The following FRMD5 variants were observed in gnomAD, a reference collection of about 807,000 sequenced individuals.
The protein encoded by FRMD5 is FERM domain containing 5.
FRMD5 carries 20 observed loss-of-function variants against 69.0 expected under a neutral mutation model. That is an observed-to-expected ratio of 0.29 (90% CI 0.20 to 0.42). FRMD5 has a LOEUF of 0.42. Among genes scored for constraint, FRMD5 ranks in the 10% least tolerant of loss-of-function variants. The pLI, the probability that FRMD5 is intolerant of heterozygous loss-of-function variation, is 1.00. For missense variants in FRMD5, 595 were observed against 708.6 expected (o/e 0.84, Z 1.82); for synonymous variants, 271 against 260.1 (o/e 1.04, Z -0.40).
chr15:44,038,357 T>G (rs1233232626), intron 1 of FRMD5, among the ~76,000 whole-genome samples: 1 of 152,070 alleles, frequency 6.6e-6, no homozygotes, highest in African/African-American at 2.4e-5. Context: ...AGTCATGAAC[T>G]CTTTGCCCAT....
chr15:43,992,034 T>G (rs1490285620), intron 1 of FRMD5, among the ~76,000 whole-genome samples: 1 of 152,222 alleles, frequency 6.6e-6, no homozygotes, highest in African/African-American at 2.4e-5. Context: ...ATAAGGTATC[T>G]TCTATTAAAA....
chr15:43,926,417 G>A (rs373613465), intron 1 of FRMD5, among the ~76,000 whole-genome samples: 4 of 152,308 alleles, frequency 2.6e-5, no homozygotes, highest in South Asian at 2.1e-4. Flanking sequence ...AGAAATTGAG[G>A]TTGTAAGATA....
rs185103374 is a variant in FRMD5 at position 43,960,103 on chromosome 15, T to C, written c.103-35794A>G. ...CAGCTAATTTTGTTTTGTTTTGTTT[T>C]TTTGAGACGGAGTCTCGCTCTGTCG... is the stretch of plus-strand genomic sequence containing the variant. On this transcript the variant is annotated intron_variant, in intron 1 of 13. Transcript: ENST00000417257. Among the ~76,000 whole-genome samples the C allele has an allele frequency of 6.6e-5, 10 of 152,040 alleles. No individual in the cohort carries two copies. The East Asian group carries it at 1.9e-3, about 30-fold the overall frequency.
intron 1 of FRMD5, among the ~76,000 whole-genome samples, chr15:44,033,367 T>C (rs1004186968): frequency 5.9e-5 from 9 of 152,036 alleles, no homozygotes; most frequent in Non-Finnish European, 1.3e-4. Flanking sequence ...GTAAAAAACC[T>C]TCACATGTGC....
intron 1 of FRMD5, among the ~76,000 whole-genome samples, chr15:44,182,979 T>C (rs2078033912): frequency 6.6e-6 from 1 of 151,380 alleles, no homozygotes; most frequent in Non-Finnish European, 1.5e-5. Flanking sequence ...TTTTTTTTTT[T>C]AGTAGAGACG....
intron 1 of FRMD5, among the ~76,000 whole-genome samples, chr15:43,947,424 A>T (rs1194503033): frequency 2.6e-5 from 4 of 152,238 alleles, no homozygotes; most frequent in Non-Finnish European, 5.9e-5. Flanking sequence ...TTGACAGTTA[A>T]AACTATCTTC....
intron 1 of FRMD5, among the ~76,000 whole-genome samples, chr15:44,172,205 C>G (rs950526251): frequency 2.6e-5 from 4 of 152,022 alleles, no homozygotes; most frequent in African/African-American, 9.7e-5. Context: ...ATCTTCCCAC[C>G]TCAGCCTCCT....
chr15:43,888,159 A>C lies in FRMD5; in HGVS notation c.884+16T>G. ...GGCTCTAAGAAAGACAGTCCCCATC[A>C]CATGTATCCACTCACTTGTAGAAGG... On this transcript the variant is annotated intron_variant, in intron 10 of 13. Coordinates refer to ENST00000417257, the MANE Select transcript of FRMD5 (RefSeq NM_032892.5). The C allele has an allele frequency of 6.3e-7, 1 of 1,577,258 alleles. No individual in the cohort carries two copies. The highest frequency in any genetic ancestry group is 8.7e-7 in the Non-Finnish European group (1 of 1,146,724).
chr15:44,140,408 GTGTAAAGAGGGGT>G (rs2077251746), intron 1 of FRMD5, among the ~76,000 whole-genome samples: 2 of 152,066 alleles, frequency 1.3e-5, no homozygotes, highest in South Asian at 4.1e-4. Context: ...ACAACTAAAC[GTGTAAAGAGGGGT>G]AGTCAAGAAG....
intron 1 of FRMD5, among the ~76,000 whole-genome samples, chr15:44,009,385 T>A (rs1019300130): frequency 4.6e-5 from 7 of 152,158 alleles, no homozygotes; most frequent in Non-Finnish European, 8.8e-5. Context: ...TGTACATTTT[T>A]AAAGTAACAT....
intron 1 of FRMD5, among the ~76,000 whole-genome samples, chr15:44,037,036 T>C (rs1891947302): frequency 6.6e-6 from 1 of 152,192 alleles, no homozygotes; most frequent in African/African-American, 2.4e-5. Context: ...GTGCAGAATG[T>C]GCATGTTTGT....
chr15:43,876,384 T>C, intron 13 of FRMD5: 1 of 753,206 alleles, frequency 1.3e-6, no homozygotes, highest in South Asian at 1.5e-5. Context: ...TGGAGGGCTT[T>C]AAGAGGCAGG....
chr15:43,995,457 G>A (rs191268380), intron 1 of FRMD5, among the ~76,000 whole-genome samples: 48 of 152,100 alleles, frequency 3.2e-4, no homozygotes, highest in Admixed American at 2.5e-3. Context: ...CTGGGTCCTA[G>A]GTCCACAGGA....
intron 1 of FRMD5, among the ~76,000 whole-genome samples, chr15:44,193,649 T>C (rs2078232047): frequency 6.6e-6 from 1 of 152,182 alleles, no homozygotes. Flanking sequence ...TCATGGATCT[T>C]TGGCAGCAGT....
At chr15:43,987,802 C>T (rs1400747738) in intron 1 of FRMD5, among the ~76,000 whole-genome samples, 3 of 152,144 alleles carry the variant, frequency 2.0e-5, no homozygotes, top group Non-Finnish European at 2.9e-5. Flanking sequence ...CCACCTGCCT[C>T]GGCCTCCCAA....
rs373312794 is a variant in FRMD5, at chr15:43,894,705, T to C, written c.640-2636A>G. ...GGAGGGAGGCAGCGGAGGGCCCCCC[T>C]CTGCTTCTTCCACTCTGGCTCATAT... is the stretch of plus-strand genomic sequence containing the variant. On this transcript the variant is annotated intron_variant, in intron 7 of 13. Transcript: ENST00000417257. Among the ~76,000 whole-genome samples, 72 of 152,164 alleles carry C rather than the reference T, an allele frequency of 4.7e-4. No individual in the cohort carries two copies. In the South Asian group the frequency reaches 0.012, roughly 25 times the overall value.
At chr15:44,167,192 C>G (rs775364098) in intron 1 of FRMD5, among the ~76,000 whole-genome samples, 1 of 152,060 alleles carries the variant, frequency 6.6e-6, no homozygotes, top group Non-Finnish European at 1.5e-5. Context: ...TGTAGTGAGA[C>G]CTCGTCTCCA....
chr15:43,999,292 T>C (rs1890074484), intron 1 of FRMD5, among the ~76,000 whole-genome samples: 2 of 152,168 alleles, frequency 1.3e-5, no homozygotes, highest in East Asian at 1.9e-4. Flanking sequence ...GGTCTCGAAC[T>C]CCTGACCTCA....
intron 1 of FRMD5, among the ~76,000 whole-genome samples, chr15:44,115,182 T>C (rs894568800): frequency 3.3e-5 from 5 of 152,154 alleles, no homozygotes; most frequent in Non-Finnish European, 7.4e-5. Flanking sequence ...AACACTAATA[T>C]TGGAACATAA....
Sources: gnomAD v4.1 joint callset for allele counts (sites outside exome capture counted in the v4.1 genomes callset) on GRCh38, gnomAD v4.1.1 for gene constraint, MANE v1.5 for transcripts, NCBI Gene and HGNC (gene_info 2026-07-23, HGNC 2026-07-21) for gene names.